The following ABCA12 variants were observed in gnomAD, a reference collection of about 807,000 sequenced individuals.
ABCA12 encodes glucosylceramide transporter ABCA12.
ABCA12 carries 156 observed loss-of-function variants against 293.5 expected under a neutral mutation model. The ratio of observed to expected loss-of-function variants is 0.53; its 90% CI spans 0.47 to 0.61. ABCA12 has a LOEUF of 0.61. Among genes scored for constraint, ABCA12 ranks in the 20% least tolerant of loss-of-function variants. The probability of loss-of-function intolerance (pLI) is 0.00; values close to 1 mark genes in which losing one functional copy is unlikely to be tolerated. For synonymous variants in ABCA12, 1,063 were observed against 1,108.0 expected, an observed-to-expected ratio of 0.96 and a Z score of 0.81; for missense variants, 2,797 against 3,090.2, an observed-to-expected ratio of 0.91 and a Z score of 2.25.
chr2:214,959,438 A>G (rs1428613691), intron 39 of ABCA12, among the ~76,000 whole-genome samples: 2 of 152,136 alleles, frequency 1.3e-5, no homozygotes, highest in African/African-American at 4.8e-5. Flanking sequence ...CACTTCAGAC[A>G]TGTATTACAT....
rs1409738655 is a variant in ABCA12 at position 214,974,362 on chromosome 2, T to C, written c.5469-320A>G. ...AGGAAGGGATACTTTAGCATAATAA[T>C]ACACCAAGGTCATGTTTACATGAGT... On this transcript the variant is annotated intron_variant, in intron 35 of 52. Coordinates refer to ENST00000272895, the MANE Select transcript of ABCA12 (RefSeq NM_173076.3). Among the ~76,000 whole-genome samples, 3 of 152,270 alleles carry C rather than the reference T, an allele frequency of 2.0e-5. No individual in the cohort carries two copies. In the East Asian group the frequency reaches 5.8e-4, roughly 29 times the overall value.
chr2:215,065,971 T>C (rs1442108022), intron 2 of ABCA12, among the ~76,000 whole-genome samples: 1 of 152,138 alleles, frequency 6.6e-6, no homozygotes, highest in Admixed American at 6.6e-5. Context: ...ACCAGAGAGA[T>C]TGGTGCCTTT....
chr2:214,987,833 A>G (rs931054469), intron 26 of ABCA12, 40 bp from the exon 27 acceptor site: 12 of 1,605,476 alleles, frequency 7.5e-6, no homozygotes, highest in Non-Finnish European at 9.4e-6. Context: ...GTTTTAGTTG[A>G]CTGTTAACAT....
At chr2:214,941,401 G>A (rs1336826632) in intron 50 of ABCA12, among the ~76,000 whole-genome samples, 2 of 152,144 alleles carry the variant, frequency 1.3e-5, no homozygotes, top group African/African-American at 4.8e-5. Flanking sequence ...ATAGTGATGT[G>A]GTGCTGAGAA....
At chr2:214,951,681 T>TGGGAGGCAGAGGTTGCA in intron 44 of ABCA12, among the ~76,000 whole-genome samples, 1 of 152,226 alleles carries the variant, frequency 6.6e-6, no homozygotes, top group South Asian at 2.1e-4. Flanking sequence ...TGCTTGAACC[T>TGGGAGGCAGAGGTTGCA]GGGAGGCAGA....
intron 1 of ABCA12, among the ~76,000 whole-genome samples, chr2:215,126,372 T>G (rs529401585): frequency 3.2e-4 from 49 of 152,264 alleles, no homozygotes; most frequent in African/African-American, 1.0e-3. Flanking sequence ...TCAAAAGGAT[T>G]GGTACCAATT....
At chr2:215,069,809 G>A (rs1006985503) in intron 2 of ABCA12, among the ~76,000 whole-genome samples, 1 of 152,098 alleles carries the variant, frequency 6.6e-6, no homozygotes, top group Non-Finnish European at 1.5e-5. Flanking sequence ...ATATGACTTC[G>A]AACTTGCTAA....
chr2:215,098,370 T>C (rs1702289411), intron 2 of ABCA12, among the ~76,000 whole-genome samples: 1 of 152,086 alleles, frequency 6.6e-6, no homozygotes, highest in Admixed American at 6.6e-5. Flanking sequence ...ACTCCAGGAG[T>C]TCCATCTCTT....
chr2:215,010,555 AT>A (rs1354417743), intron 17 of ABCA12, 85 bp from the exon 18 acceptor site: 3 of 1,445,356 alleles, frequency 2.1e-6, no homozygotes, highest in Non-Finnish European at 2.9e-6. Context: ...GATTATTCTT[AT>A]CACACCCAAA....
chr2:215,008,478 A>C (rs1003450310), intron 18 of ABCA12, among the ~76,000 whole-genome samples: 2 of 151,136 alleles, frequency 1.3e-5, no homozygotes, highest in Non-Finnish European at 3.0e-5. Context: ...TCGGTGTTAT[A>C]AAAAAAAATG....
chr2:214,934,081 T>C lies in ABCA12; in HGVS notation c.7677A>G (p.Glu2559=), dbSNP rs1019480377. ...TNFLVSQTTL[E]EVFINFAKDQ... is the part of the protein sequence containing the mutation. ...TGGATCGTGGTATATATCTTACCTC[T>C]TCCAGAGTGGTCTGACTCACTAAGA... Residue 2559 remains glutamate, a synonymous_variant, in exon 52 of 53, where the codon GAA becomes GAG. Transcript: ENST00000272895. The C allele has an allele frequency of 1.2e-6, 2 of 1,613,374 alleles. No homozygotes were observed. Among genetic ancestry groups the C allele is most frequent in the Non-Finnish European group, 1.7e-6 (2 of 1,179,542 alleles).
chr2:215,073,915 A>AG, intron 2 of ABCA12, among the ~76,000 whole-genome samples: 1 of 152,362 alleles, frequency 6.6e-6, no homozygotes, highest in Admixed American at 6.5e-5. Context: ...AAATGAGCTT[A>AG]GGAAACTAAA....
At chr2:214,982,524 T>C (rs1699692048) in intron 29 of ABCA12, 141 bp from the exon 30 acceptor site, 1 of 654,796 alleles carries the variant, frequency 1.5e-6, no homozygotes, top group African/African-American at 1.8e-5. Flanking sequence ...TGAGGATTCA[T>C]AATATAGTTT....
At chr2:215,012,465 C>T (rs1300057268) in intron 15 of ABCA12, among the ~76,000 whole-genome samples, 1 of 152,074 alleles carries the variant, frequency 6.6e-6, no homozygotes, top group Non-Finnish European at 1.5e-5. Flanking sequence ...AAATGAAATA[C>T]TGATACATGT....
chr2:214,938,117 C>G (rs900159587), intron 50 of ABCA12, among the ~76,000 whole-genome samples: 1 of 151,836 alleles, frequency 6.6e-6, no homozygotes, highest in Non-Finnish European at 1.5e-5. Flanking sequence ...CCCCCCACCC[C>G]CCAACAGACC....
Position 214,942,966 on chromosome 2 carries a change from T to C in ABCA12, c.7395A>G (p.Gly2465=). 6.2e-7 allele frequency: 1 copy of C among 1,613,574 alleles called. No individual in the cohort carries two copies. Among genetic ancestry groups the C allele is most frequent in the Non-Finnish European group, 8.5e-7 (1 of 1,179,814 alleles). Residue 2465 remains glycine (G), a synonymous_variant, in exon 50 of 53, where the codon GGA becomes GGG. Coordinates refer to ENST00000272895, the MANE Select transcript of ABCA12 (RefSeq NM_173076.3). ...LCTRLAIMVN[G]KFQCIGSLQH... The stretch of plus-strand genomic sequence containing the variant: ...GCAAAGATCCAATACATTGAAACTT[T>C]CCATTCACCATAATGGCCAACCTGG...
chr2:215,099,994 A>T, intron 2 of ABCA12, among the ~76,000 whole-genome samples: 1 of 150,292 alleles, frequency 6.7e-6, no homozygotes, highest in East Asian at 2.0e-4. Context: ...ACATGATGAA[A>T]TTGATCTCTC....
intron 41 of ABCA12, among the ~76,000 whole-genome samples, chr2:214,957,750 A>C (rs889984030): frequency 1.3e-5 from 2 of 152,204 alleles, no homozygotes; most frequent in African/African-American, 4.8e-5. Context: ...CAAATGAGAG[A>C]GCTATCAATG....
chr2:215,030,766 T>C (rs1700860237), intron 9 of ABCA12, among the ~76,000 whole-genome samples: 1 of 152,186 alleles, frequency 6.6e-6, no homozygotes, highest in Non-Finnish European at 1.5e-5. Context: ...GCAAGGATTT[T>C]GGCCAGAATC....
Sources: allele counts gnomAD v4.1 joint callset (sites outside exome capture counted in the v4.1 genomes callset), GRCh38; gene constraint gnomAD v4.1.1; transcripts MANE v1.5; gene names NCBI Gene and HGNC (gene_info 2026-07-23, HGNC 2026-07-21).